Variants in TDG observed in about 807,000 individuals in gnomAD.
The protein encoded by TDG is thymine DNA glycosylase, also known as G/T mismatch-specific thymine DNA glycosylase.
In TDG, 23 loss-of-function variants were observed where a neutral mutation model predicts 46.1. That is an observed-to-expected ratio of 0.50 (90% CI 0.36 to 0.71). The LOEUF (loss-of-function observed/expected upper bound fraction) is 0.71. TDG is among the 30% of genes least tolerant of loss of function. The pLI, the probability that TDG is intolerant of heterozygous loss-of-function variation, is 0.00. For missense variants in TDG, 304 were observed against 486.7 expected (o/e 0.62, Z 3.53); for synonymous variants, 115 against 161.3 (o/e 0.71, Z 2.18).
chr12:103,966,731 A>T (rs937992339), intron 1 of TDG, among the ~76,000 whole-genome samples: 5 of 152,224 alleles, frequency 3.3e-5, no homozygotes, highest in Non-Finnish European at 5.9e-5. Flanking sequence ...CTAAATTTTT[A>T]AAAAATGGAT....
chr12:103,966,032 C>G lies in TDG; in HGVS notation c.-6C>G, dbSNP rs1363879805. ...GTGGAGCCGCCCGCATCAGCGGCCTCGGGGAATGGAAGCGGAGAACGCGGG... is the reference window on the plus strand; with the variant it reads ...GTGGAGCCGCCCGCATCAGCGGCCTGGGGGAATGGAAGCGGAGAACGCGGG... On this transcript the variant is annotated 5_prime_UTR_variant, in exon 1 of 10. Transcript: ENST00000392872. 1.3e-6 allele frequency: 2 copies of G among 1,596,894 alleles called. No homozygotes were observed. Among genetic ancestry groups the G allele is most frequent in the African/African-American group, 1.3e-5 (1 of 74,216 alleles).
Position 103,965,977 on chromosome 12 carries a change from A to G in TDG, c.-61A>G, listed in dbSNP as rs1870980550. The G allele has an allele frequency of 6.4e-7, 1 of 1,574,780 alleles. No homozygotes were observed. The highest frequency in any genetic ancestry group is 1.4e-5 in the African/African-American group (1 of 73,944). On this transcript the variant is annotated 5_prime_UTR_variant, in exon 1 of 10. Transcript: ENST00000392872. ...ACCGCAGTGAGTACCACGCGGTACT[A>G]CAGAGACCGGCTGCCCGTGTGCCCG...
At chr12:103,978,617 T>C (rs1035083718) in intron 2 of TDG, among the ~76,000 whole-genome samples, 1 of 152,198 alleles carries the variant, frequency 6.6e-6, no homozygotes. Flanking sequence ...GAGGCTTGAT[T>C]GGGGAAACGC....
At chr12:103,980,337 T>C (rs945611179) in intron 3 of TDG, 29 of 414,186 alleles carry the variant, frequency 7.0e-5, no homozygotes, top group African/African-American at 5.4e-4. Flanking sequence ...GGTTTTCTCA[T>C]TGATAAACCA....
intron 1 of TDG, 76 bp from the exon 2 acceptor site, chr12:103,976,841 AT>A: frequency 6.4e-7 from 1 of 1,566,686 alleles, no homozygotes; most frequent in Non-Finnish European, 8.7e-7. Context: ...TGTACTGAAG[AT>A]TTTTGTACAG....
intron 1 of TDG, among the ~76,000 whole-genome samples, chr12:103,976,409 CA>C (rs1871542938): frequency 7.3e-4 from 57 of 78,000 alleles, no homozygotes; most frequent in Middle Eastern, 6.4e-3. Context: ...CCTGTCTCCC[CA>C]CACACACACA....
In TDG at chr12:103,983,339, A is replaced by G; in HGVS notation, c.742A>G (p.Lys248Glu). ...TAAAGAAGTTTTTGGAGTAAAGGTTAAGAACTTGGAATTTGGGCTTCAGCC... is the reference window on the plus strand; with the variant it reads ...TAAAGAAGTTTTTGGAGTAAAGGTTGAGAACTTGGAATTTGGGCTTCAGCC... ...FSKEVFGVKV[K>E]NLEFGLQPHK... The change falls in exon 7 of 10, where the codon AAG becomes GAG. Residue 248 changes from lysine (K) to glutamate (E), a missense_variant. Physicochemically the swap from Lys to Glu is moderately conservative, Grantham distance 56. Coordinates refer to ENST00000392872, the MANE Select transcript of TDG (RefSeq NM_003211.6). 4 of 1,598,690 alleles carry G rather than the reference A, an allele frequency of 2.5e-6. No homozygotes were observed. Among genetic ancestry groups the G allele is most frequent in the Non-Finnish European group, 3.4e-6 (4 of 1,175,514 alleles).
At chr12:103,966,285 T>C (rs986955508) in intron 1 of TDG, among the ~76,000 whole-genome samples, 6 of 152,152 alleles carry the variant, frequency 3.9e-5, no homozygotes, top group African/African-American at 1.4e-4. Flanking sequence ...TGGACCCTTC[T>C]TTGGTTCCCC....
Position 103,982,877 on chromosome 12 carries a change from G to A in TDG, c.557G>A (p.Gly186Asp), listed in dbSNP as rs756669176. ...GATCACACTCTACCAGGGAAGTATG[G>A]TATTGGATTTACCAACATGGTGGAA... ...MDDHTLPGKY[G>D]IGFTNMVERT... The change falls in exon 5 of 10, where the codon GGT (glycine) becomes GAT (aspartate). Residue 186 changes from glycine (G) to aspartate (D), a missense_variant. By Grantham distance (94) the Gly-to-Asp change is moderately conservative (BLOSUM62 -1). Transcript: ENST00000392872. 4 of 1,614,134 alleles carry A rather than the reference G, an allele frequency of 2.5e-6. No individual in the cohort carries two copies. Among genetic ancestry groups the A allele is most frequent in the Non-Finnish European group, 3.4e-6 (4 of 1,180,032 alleles).
At chr12:103,981,862 A>T (rs893527075) in intron 4 of TDG, among the ~76,000 whole-genome samples, 1 of 152,150 alleles carries the variant, frequency 6.6e-6, no homozygotes, top group African/African-American at 2.4e-5. Context: ...AATAAATAAA[A>T]AATTAGCTGA....
intron 1 of TDG, among the ~76,000 whole-genome samples, chr12:103,976,201 T>A (rs1401350230): frequency 6.6e-6 from 1 of 151,044 alleles, no homozygotes; most frequent in Admixed American, 6.6e-5. Flanking sequence ...GCTCAGAAGT[T>A]CAAGACCAGC....
intron 2 of TDG, among the ~76,000 whole-genome samples, chr12:103,978,897 T>G (rs1871670180): frequency 6.6e-6 from 1 of 151,910 alleles, no homozygotes; most frequent in Non-Finnish European, 1.5e-5. Flanking sequence ...CAACAAAAAA[T>G]TATGCAACCT....
chr12:103,974,627 A>G (rs763846755), intron 1 of TDG, among the ~76,000 whole-genome samples: 1 of 152,060 alleles, frequency 6.6e-6, no homozygotes, highest in Non-Finnish European at 1.5e-5. Flanking sequence ...TTCTCTTTCA[A>G]TGAATATCAT....
At chr12:103,985,559 T>C in intron 8 of TDG, 44 bp from the exon 9 acceptor site, 1 of 1,560,046 alleles carries the variant, frequency 6.4e-7, no homozygotes, top group Non-Finnish European at 8.7e-7. Context: ...CTTTTAAAAT[T>C]GTTGTACAAA....
intron 1 of TDG, among the ~76,000 whole-genome samples, chr12:103,976,408 C>CCACACACACA (rs144717913): frequency 1.2e-3 from 177 of 147,540 alleles, no homozygotes; most frequent in East Asian, 9.0e-3. Flanking sequence ...CCCTGTCTCC[C>CCACACACACA]CACACACACA....
At chr12:103,979,715 A>T in intron 2 of TDG, 116 bp from the exon 3 acceptor site, 1 of 1,298,688 alleles carries the variant, frequency 7.7e-7, no homozygotes, top group Non-Finnish European at 1.0e-6. Flanking sequence ...GGACTGTAAG[A>T]GCTTAATTTT....
chr12:103,979,125 CAG>C (rs1339481519), intron 2 of TDG, among the ~76,000 whole-genome samples: 1 of 5,428 alleles, frequency 1.8e-4, no homozygotes, highest in Non-Finnish European at 4.3e-4. Context: ...TTTTTTTGGA[CAG>C]AGTCTTGCTC....
At chr12:103,983,603 TG>T (rs1871971533) in intron 7 of TDG, among the ~76,000 whole-genome samples, 1 of 152,240 alleles carries the variant, frequency 6.6e-6, no homozygotes, top group Admixed American at 6.5e-5. Flanking sequence ...GTCAGCTAAA[TG>T]TCTTGATGTT....
chr12:103,968,367 T>G (rs2136231199), intron 1 of TDG, among the ~76,000 whole-genome samples: 2 of 152,250 alleles, frequency 1.3e-5, no homozygotes, highest in East Asian at 3.9e-4. Flanking sequence ...GAGAGTAGAC[T>G]TTATAGAAAT....
Sources: gnomAD v4.1 joint callset for allele counts (sites outside exome capture counted in the v4.1 genomes callset) on GRCh38, gnomAD v4.1.1 for gene constraint, MANE v1.5 for transcripts, NCBI Gene and HGNC (gene_info 2026-07-23, HGNC 2026-07-21) for gene names.